RTP2: variants seen among roughly 807,000 people sequenced by gnomAD.
The protein encoded by RTP2 is receptor transporter protein 2.
Under a neutral mutation model 17.9 loss-of-function variants are expected in RTP2, and 12 were observed. That is an observed-to-expected ratio of 0.67 (90% CI 0.43 to 1.09). RTP2 has a LOEUF of 1.09. Ranked by LOEUF, RTP2 falls within the 50% of genes least tolerant of loss-of-function variation. The pLI is 0.00. For missense variants in RTP2, 327 were observed against 295.7 expected (o/e 1.11, Z -0.78); for synonymous variants, 126 against 117.7 (o/e 1.07, Z -0.46).
intron 1 of RTP2, 70 bp downstream of exon 1, chr3:187,701,895 T>C (rs1465843139): frequency 1.2e-5 from 17 of 1,423,718 alleles, no homozygotes; most frequent in Admixed American, 4.6e-5. Context: ...GCTCTGTCTC[T>C]CCTTGGAAAG....
At chr3:187,702,908 T>A (rs1717890054), upstream of RTP2, among the ~76,000 whole-genome samples, 1 of 152,224 alleles carries the variant, frequency 6.6e-6, no homozygotes, top group South Asian at 2.1e-4. Flanking sequence ...TAATAACATT[T>A]CAGATTCATA....
the RTP2 span, among the ~76,000 whole-genome samples, chr3:187,710,393 A>ATG: frequency 6.7e-6 from 1 of 148,692 alleles, no homozygotes; most frequent in Non-Finnish European, 1.5e-5. Context: ...ATATATATAT[A>ATG]TATATATCAT....
upstream of RTP2, among the ~76,000 whole-genome samples, chr3:187,705,850 C>A (rs73043399): frequency 2.6e-5 from 4 of 152,100 alleles, no homozygotes; most frequent in African/African-American, 9.7e-5. Context: ...TTGTATTTAC[C>A]CTTAAGGCTG....
chr3:187,699,729 CCACACACA>C (rs1328615413), intron 1 of RTP2, among the ~76,000 whole-genome samples: 61 of 116,530 alleles, frequency 5.2e-4, no homozygotes, highest in African/African-American at 2.0e-3. Context: ...CATTGCCACT[CCACACACA>C]CACACACACA....
At chr3:187,705,180 A>G, upstream of RTP2, among the ~76,000 whole-genome samples, 1 of 152,182 alleles carries the variant, frequency 6.6e-6, no homozygotes, top group Non-Finnish European at 1.5e-5. Flanking sequence ...AGAAAAAAAA[A>G]AGATAGGGGT....
intron 1 of RTP2, among the ~76,000 whole-genome samples, chr3:187,699,386 G>A (rs1239142291): frequency 1.3e-5 from 2 of 152,058 alleles, no homozygotes; most frequent in East Asian, 3.9e-4. Context: ...GTGTGTTGGC[G>A]TCCAGTAAGG....
chr3:187,699,912 G>A (rs958254329), intron 1 of RTP2, among the ~76,000 whole-genome samples: 2 of 151,994 alleles, frequency 1.3e-5, no homozygotes. Context: ...CACTCACTCC[G>A]CCCCCACCAC....
chr3:187,701,082 C>G (rs927401198), intron 1 of RTP2, among the ~76,000 whole-genome samples: 2 of 152,184 alleles, frequency 1.3e-5, no homozygotes, highest in Non-Finnish European at 2.9e-5. Context: ...CTCCAGAGCA[C>G]AGCCACTTAC....
the RTP2 span, among the ~76,000 whole-genome samples, chr3:187,709,782 T>A: frequency 6.6e-6 from 1 of 152,284 alleles, no homozygotes; most frequent in Non-Finnish European, 1.5e-5. Flanking sequence ...TAACATGATG[T>A]GAGGACATGC....
intron 1 of RTP2, 139 bp downstream of exon 1, chr3:187,701,826 G>T: frequency 1.4e-6 from 1 of 714,512 alleles, no homozygotes; most frequent in Non-Finnish European, 2.2e-6. Flanking sequence ...CTCTGACCCA[G>T]CCGGCTGTCT....
chr3:187,702,514 T>C (rs1371338309), exon 1 of RTP2: 1 of 462,754 alleles, frequency 2.2e-6, no homozygotes, highest in Non-Finnish European at 4.3e-6. Flanking sequence ...ACTGCTCTTC[T>C]AGCATTCTCC....
chr3:187,706,377 G>A (rs1434980097), upstream of RTP2, among the ~76,000 whole-genome samples: 1 of 152,136 alleles, frequency 6.6e-6, no homozygotes, highest in African/African-American at 2.4e-5. Flanking sequence ...TACATTTCTT[G>A]CAAAGTCCCA....
At chr3:187,698,906 G>A (rs368190774) in exon 2 of RTP2, 6 of 1,611,032 alleles carry the variant, frequency 3.7e-6, no homozygotes, top group Non-Finnish European at 5.1e-6. Flanking sequence ...GCTTGAAGAC[G>A]CGCATGCGCA....
chr3:187,699,084 GA>G (rs200849161), intron 1 of RTP2, 73 bp from the exon 2 acceptor site: 70 of 1,469,730 alleles, frequency 4.8e-5, no homozygotes, highest in Non-Finnish European at 5.7e-5. Flanking sequence ...CTCTGAGAGG[GA>G]AAAAAAAGCC....
exon 2 of RTP2, chr3:187,698,354 C>G (rs916828353): frequency 6.5e-5 from 43 of 663,932 alleles, no homozygotes; most frequent in Middle Eastern, 4.2e-4. Flanking sequence ...ATGCAATCCT[C>G]TCATTCCGCA....
the RTP2 span, among the ~76,000 whole-genome samples, chr3:187,710,986 C>G: frequency 6.6e-6 from 1 of 152,100 alleles, no homozygotes; most frequent in Non-Finnish European, 1.5e-5. Context: ...CTCTGAAGCC[C>G]CATTCTCTGC....
chr3:187,701,684 A>G (rs1292248580), intron 1 of RTP2, among the ~76,000 whole-genome samples: 1 of 152,224 alleles, frequency 6.6e-6, no homozygotes. Context: ...TCTAAATGTC[A>G]GAGATTGCAG....
chr3:187,714,440 G>A, the RTP2 span, among the ~76,000 whole-genome samples: 1 of 152,232 alleles, frequency 6.6e-6, no homozygotes, highest in African/African-American at 2.4e-5. Flanking sequence ...GCTCTGCTGA[G>A]ATGACGAAGA....
At chr3:187,710,919 T>C in the RTP2 span, among the ~76,000 whole-genome samples, 71 of 152,288 alleles carry the variant, frequency 4.7e-4, no homozygotes, top group African/African-American at 1.6e-3. Context: ...TAAATCAGTT[T>C]AGTACCCTGA....
Sources: allele counts gnomAD v4.1 joint callset (sites outside exome capture counted in the v4.1 genomes callset), GRCh38; gene constraint gnomAD v4.1.1; transcripts MANE v1.5; gene names NCBI Gene and HGNC (gene_info 2026-07-23, HGNC 2026-07-21).